The following USP35 variants were observed in gnomAD, a reference collection of about 807,000 sequenced individuals.
The protein encoded by USP35 is ubiquitin carboxyl-terminal hydrolase 35.
A neutral mutation model predicts 83.8 loss-of-function variants in USP35; 69 were observed. That is an observed-to-expected ratio of 0.82 (90% CI 0.68 to 1.01). USP35 has a LOEUF of 1.01. Among genes scored for constraint, USP35 ranks in the 50% least tolerant of loss-of-function variants. The pLI, the probability that USP35 is intolerant of heterozygous loss-of-function variation, is 0.00. For synonymous variants in USP35, 714 were observed against 589.5 expected, an observed-to-expected ratio of 1.21 and a Z score of -3.06; for missense variants, 1,503 against 1,362.5, an observed-to-expected ratio of 1.10 and a Z score of -1.62.
At position 78,214,754 on chromosome 11, in the gene USP35, TTTTGCTCACGGGGTCTGG is replaced by T. The variant is rs1864029005; in HGVS notation, c.*942_*959del. On this transcript the variant is annotated 3_prime_UTR_variant, in exon 11 of 11. Coordinates refer to ENST00000529308, the MANE Select transcript of USP35 (RefSeq NM_020798.4). Reference sequence around the variant, plus strand: ...CTCAGGGGCTGTGATGGCCACTGGGTTTTGCTCACGGGGTCTGGGGAGGCCAGGACTCAGCCTGCCCCC... The same window carrying T: ...CTCAGGGGCTGTGATGGCCACTGGGTGGAGGCCAGGACTCAGCCTGCCCCC... 6.6e-6 allele frequency: 1 copy of T among 150,774 alleles called. No homozygotes were observed. Among genetic ancestry groups the T allele is most frequent in the African/African-American group, 2.5e-5 (1 of 40,074 alleles). 9.3% of individuals were successfully genotyped at this position (150,774 alleles called of 1,614,324 possible). A position where few individuals can be genotyped will look rare whatever the true frequency, so the allele number is the denominator to read the frequency against.
intron 3 of USP35, chr11:78,199,109 AT>A: frequency 5.8e-6 from 1 of 172,222 alleles, no homozygotes; most frequent in Non-Finnish European, 1.3e-5. Context: ...TCAATGGTGA[AT>A]ACGACCTAAG....
chr11:78,231,419 G>A, the USP35 span, among the ~76,000 whole-genome samples: 3 of 151,260 alleles, frequency 2.0e-5, no homozygotes, highest in African/African-American at 4.9e-5. Flanking sequence ...TGCAATCTTG[G>A]CTCACTGCAA....
At position 78,210,057 on chromosome 11, in the gene USP35, C is replaced by A. The variant is rs1228882288; in HGVS notation, c.2202C>A (p.Asp734Glu). The A allele has an allele frequency of 6.2e-7, 1 of 1,613,900 alleles. No homozygotes were observed. The highest frequency in any genetic ancestry group is 8.5e-7 in the Non-Finnish European group (1 of 1,179,888). Residue 734 changes from aspartate (D) to glutamate (E), a missense_variant, in exon 10 of 11, where the codon GAC becomes GAA. Transcript: ENST00000529308. ...EKEAEQEKEEDSLGAGTHPDA... is the reference protein window; with the variant it reads ...EKEAEQEKEEESLGAGTHPDA... Reference sequence around the variant, plus strand: ...AGGCTGAGCAGGAAAAGGAAGAAGACAGCCTGGGAGCGGGGACCCACCCGG... The same window carrying A: ...AGGCTGAGCAGGAAAAGGAAGAAGAAAGCCTGGGAGCGGGGACCCACCCGG...
Position 78,213,498 on chromosome 11 carries a change from G to A in USP35, c.2890-148G>A, listed in dbSNP as rs2450139. Reference sequence around the variant, plus strand: ...GAAGTCTTTTGAAGGTGTCCACCCCGGATATCCTGCCACTGAGCTGCAATG... The same window carrying A: ...GAAGTCTTTTGAAGGTGTCCACCCCAGATATCCTGCCACTGAGCTGCAATG... On this transcript the variant is annotated intron_variant, in intron 10 of 10. Coordinates refer to ENST00000529308, the MANE Select transcript of USP35 (RefSeq NM_020798.4). The A allele has an allele frequency of 0.21, 192,213 of 911,592 alleles. 24,659 individuals are homozygous for A. The highest frequency in any genetic ancestry group is 0.49 in the African/African-American group (28,453 of 57,554). The allele number at this position is 911,592 out of a possible 1,614,324, so 56.5% of individuals were successfully genotyped here. A position where few individuals can be genotyped will look rare whatever the true frequency, so the allele number is the denominator to read the frequency against.
rs1863518818 is a variant in USP35, at chr11:78,206,010, C to T, written c.1366C>T (p.Leu456Phe). Residue 456 changes from leucine to phenylalanine, a missense_variant, in exon 7 of 11, where the codon CTT becomes TTT. Transcript: ENST00000529308. Reference sequence around the variant, plus strand: ...CAACACATGCTATGTCAACAGCATCCTTCAGGCCTTATTCATGGCGTCTGA... The same window carrying T: ...CAACACATGCTATGTCAACAGCATCTTTCAGGCCTTATTCATGGCGTCTGA... ...LGNTCYVNSI[L>F]QALFMASDFR... The T allele has an allele frequency of 6.2e-7, 1 of 1,613,874 alleles. No homozygotes were observed. The highest frequency in any genetic ancestry group is 2.2e-5 in the East Asian group (1 of 44,878).
chr11:78,203,964 C>T (rs1360753942), intron 6 of USP35, among the ~76,000 whole-genome samples: 4 of 141,932 alleles, frequency 2.8e-5, no homozygotes, highest in African/African-American at 1.1e-4. Context: ...GATCTCGGCT[C>T]ACTGCAAGCT....
chr11:78,225,242 T>G, the USP35 span: 5 of 1,357,228 alleles, frequency 3.7e-6, no homozygotes, highest in Non-Finnish European at 5.3e-6. Context: ...TCATGGTTGA[T>G]TCATGTGTTG....
chr11:78,210,307 A>G lies in USP35; in HGVS notation c.2452A>G (p.Met818Val). 3 of 1,613,806 alleles carry G rather than the reference A, an allele frequency of 1.9e-6. No individual in the cohort carries two copies. The highest frequency in any genetic ancestry group is 2.2e-5 in the South Asian group (2 of 91,084). The change falls in exon 10 of 11, where the codon ATG becomes GTG. Residue 818 changes from methionine (M) to valine (V), a missense_variant. Physicochemically the swap from Met to Val is conservative, Grantham distance 21. Transcript: ENST00000529308. ...LLRFSFDLRT[M>V]RRRKILDDVS... ...GCGCTTCTCTTTCGACCTGCGCACC[A>G]TGCGGCGCCGCAAGATCCTGGATGA... is the stretch of plus-strand genomic sequence containing the variant.
chr11:78,197,980 C>G lies in USP35; in HGVS notation c.718C>G (p.Leu240Val), dbSNP rs1051142693. ...CGCCCTGGCCAGCGTGGTCCAGCAC[C>G]TCCCATTGGAGCTCATGGATGGTGT... The part of the protein sequence containing the change: ...SSALASVVQH[L>V]PLELMDGVVR... The change falls in exon 3 of 11, where the codon CTC becomes GTC. Residue 240 changes from leucine to valine, a missense_variant. Coordinates refer to ENST00000529308, the MANE Select transcript of USP35 (RefSeq NM_020798.4). The G allele has an allele frequency of 6.2e-7, 1 of 1,614,130 alleles. No individual in the cohort carries two copies. Among genetic ancestry groups the G allele is most frequent in the African/African-American group, 1.3e-5 (1 of 74,944 alleles).
At chr11:78,203,106 A>T (rs755707914) in intron 6 of USP35, among the ~76,000 whole-genome samples, 7 of 152,018 alleles carry the variant, frequency 4.6e-5, no homozygotes, top group African/African-American at 7.3e-5. Context: ...GGATGAGGGG[A>T]GTCTGCACAT....
rs758478134 is a variant in USP35 at position 78,213,711 on chromosome 11, G to C, written c.2955G>C (p.Trp985Cys). 11 of 1,534,116 alleles carry C rather than the reference G, an allele frequency of 7.2e-6. No individual in the cohort carries two copies. Among genetic ancestry groups the C allele is most frequent in the Middle Eastern group, 3.4e-4 (2 of 5,812 alleles). Residue 985 changes from tryptophan (W) to cysteine (C), a missense_variant, in exon 11 of 11, where the codon TGG (tryptophan) becomes TGC (cysteine). Physicochemically the swap from Trp to Cys is radical, Grantham distance 215. Transcript: ENST00000529308. Reference protein sequence around the residue: ...YISALPTSPHWGRGFDEDKDE... With the variant: ...YISALPTSPHCGRGFDEDKDE... ...CTGCACTCCCCACATCTCCGCACTGGGGGAGGGGCTTTGATGAAGACAAGG... is the reference window on the plus strand; with the variant it reads ...CTGCACTCCCCACATCTCCGCACTGCGGGAGGGGCTTTGATGAAGACAAGG...
rs1863709348 is a variant in USP35, at chr11:78,210,309, G to A, written c.2454G>A (p.Met818Ile). 1.2e-6 allele frequency: 2 copies of A among 1,613,726 alleles called. No individual in the cohort carries two copies. The highest frequency in any genetic ancestry group is 1.7e-6 in the Non-Finnish European group (2 of 1,179,990). ...LLRFSFDLRT[M>I]RRRKILDDVS... ...GCTTCTCTTTCGACCTGCGCACCAT[G>A]CGGCGCCGCAAGATCCTGGATGACG... The change falls in exon 10 of 11, where the codon ATG becomes ATA. Residue 818 changes from methionine (M) to isoleucine (I), a missense_variant. Met to Ile is a conservative substitution (Grantham distance 10). Coordinates refer to ENST00000529308, the MANE Select transcript of USP35 (RefSeq NM_020798.4).
chr11:78,192,230 C>T (rs895969888), intron 1 of USP35, among the ~76,000 whole-genome samples: 1 of 152,232 alleles, frequency 6.6e-6, no homozygotes, highest in Admixed American at 6.5e-5. Context: ...TCGGGGAGGA[C>T]ATGGCTGCTG....
chr11:78,219,279 T>C, downstream of USP35: 1 of 1,613,324 alleles, frequency 6.2e-7, no homozygotes, highest in Non-Finnish European at 8.5e-7. Context: ...TCATCACAGC[T>C]TGGCACCCTT....
intron 3 of USP35, 92 bp from the exon 4 acceptor site, chr11:78,199,503 A>ACTC: frequency 6.4e-7 from 1 of 1,566,156 alleles, no homozygotes; most frequent in Non-Finnish European, 8.7e-7. Flanking sequence ...TCAATGTGGG[A>ACTC]ACCCAGGACA....
Position 78,196,304 on chromosome 11 carries a change from G to C in USP35, c.59G>C (p.Gly20Ala), listed in dbSNP as rs1277169817. ...TSSYPVSVKQGLVRRVLEAAR... is the reference protein window; with the variant it reads ...TSSYPVSVKQALVRRVLEAAR... ...TCATACCCGGTCAGCGTGAAGCAGGGGCTGGTTCGGCGCGTGCTGGAGGCG... is the reference window on the plus strand; with the variant it reads ...TCATACCCGGTCAGCGTGAAGCAGGCGCTGGTTCGGCGCGTGCTGGAGGCG... Residue 20 changes from glycine (G) to alanine (A), a missense_variant, in exon 2 of 11, where the codon GGG becomes GCG. Physicochemically the swap from Gly to Ala is moderately conservative, Grantham distance 60. Coordinates refer to ENST00000529308, the MANE Select transcript of USP35 (RefSeq NM_020798.4). The surrounding 1 kb of genome is among the most constrained non-coding windows in gnomAD (Gnocchi z 4.8). 2 of 1,593,318 alleles carry C rather than the reference G, an allele frequency of 1.3e-6. No homozygotes were observed. The highest frequency in any genetic ancestry group is 1.7e-6 in the Non-Finnish European group (2 of 1,176,944).
intron 5 of USP35, 26 bp downstream of exon 5, chr11:78,200,260 G>A (rs1296346416): frequency 6.2e-7 from 1 of 1,611,406 alleles, no homozygotes; most frequent in Non-Finnish European, 8.5e-7. Context: ...TGCTGCCCCT[G>A]GTGAGGCCCC....
chr11:78,210,416 C>T lies in USP35; in HGVS notation c.2561C>T (p.Ser854Phe). The stretch of plus-strand genomic sequence containing the variant: ...GACCTCTGCAGTGTGGTGGTGCACT[C>T]TGGAGTGTCTTCGGAGAGTGGTCAC... ...AYDLCSVVVHSGVSSESGHYY... is the reference protein window; with the variant it reads ...AYDLCSVVVHFGVSSESGHYY... Residue 854 changes from serine to phenylalanine, a missense_variant, in exon 10 of 11, where the codon TCT (serine) becomes TTT (phenylalanine). Ser to Phe is a radical substitution (Grantham distance 155). Coordinates refer to ENST00000529308, the MANE Select transcript of USP35 (RefSeq NM_020798.4). 6.2e-7 allele frequency: 1 copy of T among 1,614,076 alleles called. No homozygotes were observed. Among genetic ancestry groups the T allele is most frequent in the South Asian group, 1.1e-5 (1 of 91,090 alleles).
intron 1 of USP35, among the ~76,000 whole-genome samples, chr11:78,195,452 G>T (rs1863115458): frequency 6.6e-6 from 1 of 152,186 alleles, no homozygotes. Flanking sequence ...CAGAAAGAAA[G>T]AGTGCGAGGC....
Sources: gnomAD v4.1 joint callset for allele counts (sites outside exome capture counted in the v4.1 genomes callset) on GRCh38, gnomAD v4.1.1 for gene constraint, Gnocchi (gnomAD v3.1) non-coding constraint, MANE v1.5 for transcripts, NCBI Gene and HGNC (gene_info 2026-07-23, HGNC 2026-07-21) for gene names.